SRGAP2C: variants seen among roughly 807,000 people sequenced by gnomAD.
The protein encoded by SRGAP2C is SLIT-ROBO Rho GTPase activating protein 2C.
SRGAP2C carries 15 observed loss-of-function variants against 25.1 expected under a neutral mutation model. The observed-to-expected ratio is 0.60, with a 90% confidence interval of 0.40 to 0.92. The LOEUF (loss-of-function observed/expected upper bound fraction) is 0.92. Among genes scored for constraint, SRGAP2C ranks in the 40% least tolerant of loss-of-function variants. SRGAP2C has a pLI of 0.00. For synonymous variants in SRGAP2C, 44 were observed against 96.6 expected, an observed-to-expected ratio of 0.46 and a Z score of 3.19; for missense variants, 144 against 264.4, an observed-to-expected ratio of 0.54 and a Z score of 3.16.
intron 3 of SRGAP2C, among the ~76,000 whole-genome samples, chr1:121,309,425 CT>C (rs1365050474): frequency 5.1e-4 from 53 of 104,018 alleles, no homozygotes; most frequent in Admixed American, 9.3e-4. Flanking sequence ...TGAATCATTC[CT>C]TTTTTTTTTT....
intron 2 of SRGAP2C, among the ~76,000 whole-genome samples, chr1:121,189,096 C>T (rs1416432164): frequency 2.1e-3 from 60 of 28,998 alleles, no homozygotes; most frequent in African/African-American, 2.5e-3. Flanking sequence ...CCAGATATGT[C>T]TTTTTTTTTT....
intron 3 of SRGAP2C, among the ~76,000 whole-genome samples, chr1:121,323,389 G>T (rs1260889919): frequency 2.6e-5 from 4 of 152,086 alleles, no homozygotes; most frequent in Non-Finnish European, 4.4e-5. Flanking sequence ...GCCAAGGTGG[G>T]TGGATCACAT....
chr1:121,390,942 A>C lies in SRGAP2C; in HGVS notation c.*3087A>C, dbSNP rs1233629994. The C allele has an allele frequency of 7.6e-6, 1 of 131,564 alleles. No individual in the cohort carries two copies. The highest frequency in any genetic ancestry group is 1.6e-5 in the Non-Finnish European group (1 of 61,264). 8.1% of individuals were successfully genotyped at this position (131,564 alleles called of 1,614,324 possible). ...TGTAATCCCAGCTACTCAGGAGGCTAAGGTGGGAGGATTACTTGAACTGGG... is the reference window on the plus strand; with the variant it reads ...TGTAATCCCAGCTACTCAGGAGGCTCAGGTGGGAGGATTACTTGAACTGGG... On this transcript the variant is annotated 3_prime_UTR_variant, in exon 10 of 10. Coordinates refer to ENST00000367123, the MANE Select transcript of SRGAP2C (RefSeq NM_001329984.2).
intron 2 of SRGAP2C, among the ~76,000 whole-genome samples, chr1:121,201,830 G>A (rs1182583938): frequency 5.3e-5 from 8 of 152,320 alleles, no homozygotes; most frequent in African/African-American, 1.7e-4. Flanking sequence ...AAGCAACTGC[G>A]TGTACTTTTT....
intron 2 of SRGAP2C, among the ~76,000 whole-genome samples, chr1:121,260,477 G>A (rs1656600936): frequency 6.6e-6 from 1 of 151,820 alleles, no homozygotes; most frequent in Non-Finnish European, 1.5e-5. Flanking sequence ...TTAGGAGGAA[G>A]GGAGGAGATG....
At chr1:121,374,485 G>T (rs1294754744) in intron 6 of SRGAP2C, among the ~76,000 whole-genome samples, 3 of 152,068 alleles carry the variant, frequency 2.0e-5, no homozygotes, top group Non-Finnish European at 4.4e-5. Context: ...AGGGGTTGGG[G>T]GTGACTGTAA....
chr1:121,255,572 A>G (rs1205566414), intron 2 of SRGAP2C, among the ~76,000 whole-genome samples: 3 of 148,590 alleles, frequency 2.0e-5, no homozygotes, highest in Non-Finnish European at 3.0e-5. Flanking sequence ...GGGAAAAGAG[A>G]AATGAGCTTA....
At chr1:121,385,050 G>T (rs1659929013) in intron 8 of SRGAP2C, among the ~76,000 whole-genome samples, 1 of 151,890 alleles carries the variant, frequency 6.6e-6, no homozygotes, top group South Asian at 2.1e-4. Context: ...AGATGAGAGG[G>T]TGGGTCATTC....
rs1347519956 is a variant in SRGAP2C at position 121,368,360 on chromosome 1, G to A, written c.486+3005G>A. Among the ~76,000 whole-genome samples the A allele has an allele frequency of 3.7e-3, 544 of 148,192 alleles. 4 individuals are homozygous for A. Among genetic ancestry groups the A allele is most frequent in the African/African-American group, 0.012 (495 of 40,004 alleles). On this transcript the variant is annotated intron_variant, in intron 5 of 9. Coordinates refer to ENST00000367123, the MANE Select transcript of SRGAP2C (RefSeq NM_001329984.2). ...GCAGAGCTTGCAGTGAGCCAAGATC[G>A]TGCCACTGCACTCCAGCCTGGGGGA...
chr1:121,231,565 T>G (rs1553327559), intron 2 of SRGAP2C, among the ~76,000 whole-genome samples: 1 of 150,152 alleles, frequency 6.7e-6, no homozygotes, highest in African/African-American at 2.5e-5. Flanking sequence ...AGACTCCTAT[T>G]GGGGTTAAGC....
chr1:121,340,375 GA>G lies in SRGAP2C; in HGVS notation c.423+15745del, dbSNP rs1228982043. Among the ~76,000 whole-genome samples the G allele has an allele frequency of 2.2e-4, 33 of 149,282 alleles. No individual in the cohort carries two copies. In the South Asian group the frequency reaches 4.5e-3, roughly 20 times the overall value. ...CTACCTGAGCTTTCAGGGACTGAAG[GA>G]AAAAAAAAAGTATTGCTTTACTCAA... On this transcript the variant is annotated intron_variant, in intron 4 of 9. Transcript: ENST00000367123.
chr1:121,263,568 C>G (rs1656686458), intron 2 of SRGAP2C, among the ~76,000 whole-genome samples: 1 of 151,030 alleles, frequency 6.6e-6, no homozygotes, highest in African/African-American at 2.4e-5. Flanking sequence ...TACAGAAGTT[C>G]TATCAAAGCA....
chr1:121,267,436 C>T (rs1172054083), intron 2 of SRGAP2C, among the ~76,000 whole-genome samples: 2 of 149,656 alleles, frequency 1.3e-5, no homozygotes, highest in East Asian at 2.0e-4. Context: ...AAGTGATCTG[C>T]CTGCCTCAGC....
intron 2 of SRGAP2C, among the ~76,000 whole-genome samples, chr1:121,270,090 G>A (rs1378093528): frequency 5.7e-5 from 8 of 141,082 alleles, no homozygotes; most frequent in Non-Finnish European, 9.3e-5. Context: ...TTTTTGTTTT[G>A]ATTGATCTAC....
chr1:121,322,188 T>C (rs1658225211), intron 3 of SRGAP2C, among the ~76,000 whole-genome samples: 1 of 149,220 alleles, frequency 6.7e-6, no homozygotes, highest in South Asian at 2.1e-4. Context: ...CAATTGTCAA[T>C]GTAAAGTCTC....
intron 2 of SRGAP2C, among the ~76,000 whole-genome samples, chr1:121,238,583 A>G (rs1462490950): frequency 6.6e-5 from 10 of 151,722 alleles, no homozygotes; most frequent in African/African-American, 2.4e-4. Flanking sequence ...TATTTTAAGC[A>G]GGGGAGTGAC....
At chr1:121,237,477 C>G (rs1236422773) in intron 2 of SRGAP2C, among the ~76,000 whole-genome samples, 1 of 152,050 alleles carries the variant, frequency 6.6e-6, no homozygotes, top group Non-Finnish European at 1.5e-5. Context: ...ACTGGGAGAT[C>G]CAGTAATTTA....
At chr1:121,275,517 C>T (rs1657084694) in intron 2 of SRGAP2C, among the ~76,000 whole-genome samples, 2 of 91,078 alleles carry the variant, frequency 2.2e-5, no homozygotes, top group South Asian at 6.0e-4. Flanking sequence ...TCAGGCAAGA[C>T]CTAGGAGCTA....
At chr1:121,222,327 A>G (rs1199246407) in intron 2 of SRGAP2C, among the ~76,000 whole-genome samples, 1 of 152,060 alleles carries the variant, frequency 6.6e-6, no homozygotes, top group African/African-American at 2.4e-5. Flanking sequence ...CATTCCTTGG[A>G]AGTAAATTGA....
Sources: allele counts gnomAD v4.1 joint callset (sites outside exome capture counted in the v4.1 genomes callset), GRCh38; gene constraint gnomAD v4.1.1; transcripts MANE v1.5; gene names NCBI Gene and HGNC (gene_info 2026-07-23, HGNC 2026-07-21).